Variants in TEX13C observed in about 807,000 individuals in gnomAD.
TEX13C encodes the protein testis-expressed protein 13C.
For missense variants in TEX13C, 480 were observed against 298.7 expected (o/e 1.61, Z -4.47); for synonymous variants, 219 against 116.6 (o/e 1.88, Z -5.65).
rs141363381 is a variant in TEX13C, at chrX:125,323,347, A to C, written c.*246A>C. 5.1e-3 allele frequency: 1,308 copies of C among 258,298 alleles called. 16 individuals are homozygous for C. The highest frequency in any genetic ancestry group is 0.034 in the African/African-American group (1,204 of 35,507). 21.3% of individuals were successfully genotyped at this position (258,298 alleles called of 1,213,427 possible). A position where few individuals can be genotyped will look rare whatever the true frequency, so the allele number is the denominator to read the frequency against. ...TTTCTTATTTTATTCATTTATTTGA[A>C]TAAAGAGAGACTACTTCTGAGTATA... On this transcript the variant is annotated 3_prime_UTR_variant, in exon 1 of 1. Transcript: ENST00000632600.
At chrX:125,322,054 G>T (rs1172083717) in exon 1 of TEX13C, 96 of 397,926 alleles carry the variant, frequency 2.4e-4, no homozygotes, top group Non-Finnish European at 4.1e-4. Flanking sequence ...TCCCCCTGGG[G>T]GACAGCCACA....
exon 1 of TEX13C, chrX:125,320,176 G>C: frequency 3.9e-6 from 2 of 512,590 alleles, no homozygotes; most frequent in Non-Finnish European, 7.0e-6. Context: ...ATGTGATCAG[G>C]TTCATCAACA....
chrX:125,320,180 A>G (rs1474676906), exon 1 of TEX13C: 3 of 512,077 alleles, frequency 5.9e-6, no homozygotes, highest in Non-Finnish European at 7.0e-6. Flanking sequence ...GATCAGGTTC[A>G]TCAACAATGA....
exon 1 of TEX13C, chrX:125,322,135 G>A: frequency 2.0e-6 from 1 of 495,221 alleles, no homozygotes; most frequent in Non-Finnish European, 3.6e-6. Flanking sequence ...ATAGCCTGAA[G>A]AAAGATCCAG....
chrX:125,320,128 G>A (rs1259238155), exon 1 of TEX13C: 1 of 475,929 alleles, frequency 2.1e-6, no homozygotes, highest in East Asian at 3.7e-5. Context: ...CCATGGCGAT[G>A]AACTTTGGGG....
At chrX:125,319,985 T>C (rs1186184543), upstream of TEX13C, 1 of 439,576 alleles carries the variant, frequency 2.3e-6, no homozygotes, top group Non-Finnish European at 4.0e-6. Context: ...AGGCCAGGAC[T>C]GAGCAAGGAC....
At chrX:125,322,672 G>A (rs1171211924) in exon 1 of TEX13C, 1 of 514,542 alleles carries the variant, frequency 1.9e-6, no homozygotes, top group South Asian at 2.5e-5. Flanking sequence ...TCCCCCTAGG[G>A]GACAGCAACA....
exon 1 of TEX13C, chrX:125,321,742 C>T: frequency 2.0e-6 from 1 of 509,385 alleles, no homozygotes; most frequent in Non-Finnish European, 3.5e-6. Context: ...CCCTGGGGGA[C>T]AGCAGAAGCC....
upstream of TEX13C, chrX:125,320,074 G>A (rs972534619): frequency 6.6e-6 from 3 of 453,368 alleles, no homozygotes; most frequent in African/African-American, 7.3e-5. Context: ...GGCGGCAGCC[G>A]AGGCGACGCA....
exon 1 of TEX13C, chrX:125,323,826 C>T (rs2018869827): frequency 8.9e-6 from 1 of 111,843 alleles, no homozygotes; most frequent in African/African-American, 3.3e-5. Flanking sequence ...TTCTGATGGA[C>T]CCACACCTCA....
chrX:125,321,045 G>T (rs1174656356), exon 1 of TEX13C: 1 of 513,997 alleles, frequency 1.9e-6, no homozygotes, highest in Non-Finnish European at 3.5e-6. Context: ...TATCACCCAG[G>T]AGATAACAGA....
chrX:125,321,695 A>G, exon 1 of TEX13C: 1 of 479,558 alleles, frequency 2.1e-6, no homozygotes. Context: ...GAGTCACAGG[A>G]TGAAGAAAGA....
At chrX:125,321,599 A>T (rs2018840829) in exon 1 of TEX13C, 1 of 512,387 alleles carries the variant, frequency 2.0e-6, no homozygotes, top group East Asian at 3.6e-5. Flanking sequence ...GCCCAAGGAG[A>T]TGGTCCCCCT....
chrX:125,320,155 C>A, exon 1 of TEX13C: 1 of 496,744 alleles, frequency 2.0e-6, no homozygotes, highest in Non-Finnish European at 3.6e-6. Flanking sequence ...CCAGCGGGTT[C>A]CGCCATGATG....
At chrX:125,323,349 A>G (rs2018866663) in exon 1 of TEX13C, 1 of 258,282 alleles carries the variant, frequency 3.9e-6, no homozygotes, top group Non-Finnish European at 6.7e-6. Flanking sequence ...TTATTTGAAT[A>G]AAGAGAGACT....
exon 1 of TEX13C, chrX:125,322,815 G>A (rs1279330743): frequency 3.9e-6 from 2 of 513,805 alleles, no homozygotes; most frequent in African/African-American, 4.6e-5. Flanking sequence ...AAGAGCCACA[G>A]CCAGAAGGAA....
chrX:125,323,215 C>T (rs924394851), exon 1 of TEX13C: 2 of 422,397 alleles, frequency 4.7e-6, no homozygotes, highest in Middle Eastern at 9.6e-4. Context: ...AAATTTGAAA[C>T]CAAAATTGTA....
chrX:125,323,066 A>G (rs1303003559), exon 1 of TEX13C: 2 of 511,577 alleles, frequency 3.9e-6, no homozygotes, highest in Admixed American at 5.4e-5. Flanking sequence ...GAGAGTCCGT[A>G]TGCCAGTTGA....
exon 1 of TEX13C, chrX:125,323,105 C>CA (rs1569520663): frequency 2.1e-6 from 1 of 487,153 alleles, no homozygotes; most frequent in Admixed American, 3.0e-5. Flanking sequence ...AGCGTAAACT[C>CA]ATTGATTTCA....
Sources: gnomAD v4.1 joint callset for allele counts on GRCh38, gnomAD v4.1.1 for gene constraint, MANE v1.5 for transcripts, NCBI Gene and HGNC (gene_info 2026-07-23, HGNC 2026-07-21) for gene names.